Variants in ACSS3 observed in about 807,000 individuals in gnomAD.
The protein encoded by ACSS3 is acyl-CoA synthetase short chain family member 3, also known as acyl-CoA synthetase short-chain family member 3, mitochondrial.
In ACSS3, 64 loss-of-function variants were observed where a neutral mutation model predicts 84.2. The ratio of observed to expected loss-of-function variants is 0.76; its 90% CI spans 0.62 to 0.94. ACSS3 has a LOEUF of 0.94. Among genes scored for constraint, ACSS3 ranks in the 40% least tolerant of loss-of-function variants. The pLI is 0.00. For missense variants in ACSS3, 815 were observed against 867.6 expected (o/e 0.94, Z 0.76); for synonymous variants, 317 against 310.1 (o/e 1.02, Z -0.23).
At chr12:81,140,842 A>G (rs569002090) in intron 4 of ACSS3, among the ~76,000 whole-genome samples, 3 of 152,340 alleles carry the variant, frequency 2.0e-5, no homozygotes, top group South Asian at 4.1e-4. Flanking sequence ...CTTACAGTAT[A>G]TAAGTGCTGA....
chr12:81,226,765 T>G (rs893796772), intron 11 of ACSS3, among the ~76,000 whole-genome samples: 5 of 151,964 alleles, frequency 3.3e-5, no homozygotes, highest in African/African-American at 1.2e-4. Flanking sequence ...TTTTTCTCTT[T>G]TCTTCAACCC....
chr12:81,152,849 TA>T (rs1176868584), intron 7 of ACSS3, among the ~76,000 whole-genome samples: 1 of 152,036 alleles, frequency 6.6e-6, no homozygotes, highest in Non-Finnish European at 1.5e-5. Flanking sequence ...ATATTTAAAT[TA>T]AAAAATACAG....
At chr12:81,090,814 G>A (rs912114737) in intron 1 of ACSS3, among the ~76,000 whole-genome samples, 11 of 151,930 alleles carry the variant, frequency 7.2e-5, no homozygotes, top group African/African-American at 2.7e-4. Context: ...GGGAAGGTAG[G>A]GAAATACTTC....
intron 8 of ACSS3, among the ~76,000 whole-genome samples, chr12:81,182,947 T>C (rs1371443957): frequency 6.6e-6 from 1 of 152,164 alleles, no homozygotes; most frequent in Non-Finnish European, 1.5e-5. Flanking sequence ...CTTCAGGACA[T>C]GAATACTGAC....
chr12:81,190,386 G>A (rs2031503154), intron 8 of ACSS3, among the ~76,000 whole-genome samples: 3 of 151,906 alleles, frequency 2.0e-5, no homozygotes, highest in African/African-American at 7.2e-5. Context: ...TTTATGCTAT[G>A]GTCAATGGTA....
At chr12:81,148,385 G>T (rs1886444929) in intron 5 of ACSS3, among the ~76,000 whole-genome samples, 1 of 152,158 alleles carries the variant, frequency 6.6e-6, no homozygotes, top group South Asian at 2.1e-4. Flanking sequence ...TTCAAAAGTA[G>T]CTCAGTAAGC....
At chr12:81,144,007 TAG>T (rs1231767459) in intron 5 of ACSS3, among the ~76,000 whole-genome samples, 12 of 152,338 alleles carry the variant, frequency 7.9e-5, no homozygotes, top group African/African-American at 2.9e-4. Flanking sequence ...CATTGAATTG[TAG>T]AATTTTAGTA....
chr12:81,161,784 C>A (rs970131548), intron 7 of ACSS3, among the ~76,000 whole-genome samples: 3 of 152,070 alleles, frequency 2.0e-5, no homozygotes, highest in African/African-American at 7.2e-5. Flanking sequence ...CAAGCCAGGA[C>A]CAAAATGGCA....
rs776462619 is a variant in ACSS3 at position 81,231,145 on chromosome 12, A to C, written c.1596+7A>C. The stretch of plus-strand genomic sequence containing the variant: ...ATACTTTGAAAAATTTCCTGTAAGA[A>C]CTTTAATATGCTTTTTTATCTTCTT... On this transcript the variant is annotated splice_region_variant and intron_variant, in intron 12 of 15. Transcript: ENST00000548058. 7.6e-6 allele frequency: 12 copies of C among 1,588,632 alleles called. No individual in the cohort carries two copies. In the Admixed American group the frequency reaches 2.0e-4, roughly 27 times the overall value.
At chr12:81,079,378 G>T (rs1169204840) in intron 1 of ACSS3, among the ~76,000 whole-genome samples, 1 of 152,102 alleles carries the variant, frequency 6.6e-6, no homozygotes, top group East Asian at 1.9e-4. Flanking sequence ...CATTAGAGAG[G>T]ATGTTTCCTG....
At chr12:81,169,290 T>C (rs1375542906) in intron 7 of ACSS3, among the ~76,000 whole-genome samples, 1 of 152,172 alleles carries the variant, frequency 6.6e-6, no homozygotes, top group East Asian at 1.9e-4. Context: ...AAATTTTCAA[T>C]TATTAAAGGA....
intron 7 of ACSS3, among the ~76,000 whole-genome samples, chr12:81,158,974 A>G (rs1355944985): frequency 6.6e-6 from 1 of 152,214 alleles, no homozygotes; most frequent in Non-Finnish European, 1.5e-5. Flanking sequence ...TGCCTTAATG[A>G]CACATATTCA....
In ACSS3 at chr12:81,143,134, G is replaced by A; in HGVS notation, c.808G>A (p.Asp270Asn). The A allele has an allele frequency of 1.2e-6, 2 of 1,613,402 alleles. No homozygotes were observed. Among genetic ancestry groups the A allele is most frequent in the Non-Finnish European group, 1.7e-6 (2 of 1,179,512 alleles). ...MEAVPLAPGR[D>N]LDWDEEMAKA... ...GGCGGTTCCTTTGGCTCCCGGTCGT[G>A]ACCTTGATTGGGATGAAGAGATGGC... Residue 270 changes from aspartate (D) to asparagine (N), a missense_variant, in exon 5 of 16, where the codon GAC becomes AAC. Coordinates refer to ENST00000548058, the MANE Select transcript of ACSS3 (RefSeq NM_024560.4).
intron 13 of ACSS3, among the ~76,000 whole-genome samples, chr12:81,241,739 C>A (rs2033811105): frequency 6.6e-6 from 1 of 151,946 alleles, no homozygotes; most frequent in Non-Finnish European, 1.5e-5. Context: ...GATATTAGCC[C>A]TTTGTCAGAT....
intron 7 of ACSS3, among the ~76,000 whole-genome samples, chr12:81,154,115 T>C (rs1437740586): frequency 6.6e-6 from 1 of 152,218 alleles, no homozygotes; most frequent in African/African-American, 2.4e-5. Context: ...GTCTTTGCAA[T>C]ATAATGTTTT....
At chr12:81,195,142 A>G (rs1256543064) in intron 8 of ACSS3, among the ~76,000 whole-genome samples, 1 of 152,054 alleles carries the variant, frequency 6.6e-6, no homozygotes, top group Admixed American at 6.6e-5. Context: ...CTCTTTGCCT[A>G]CACTGCTGGG....
chr12:81,171,427 A>G (rs1358769458), intron 7 of ACSS3, among the ~76,000 whole-genome samples: 1 of 152,168 alleles, frequency 6.6e-6, no homozygotes, highest in Non-Finnish European at 1.5e-5. Flanking sequence ...AAACTAAAGT[A>G]TATAAATATT....
rs576599084 is a variant in ACSS3, at chr12:81,108,470, G to C, written c.312-1090G>C. ...TTTTTTGTATTTTTAGTAAAGACAG[G>C]GTTTCACCATCTTGGCCAGGTTGGT... On this transcript the variant is annotated intron_variant, in intron 1 of 15. Coordinates refer to ENST00000548058, the MANE Select transcript of ACSS3 (RefSeq NM_024560.4). Among the ~76,000 whole-genome samples the C allele has an allele frequency of 3.8e-4, 58 of 151,926 alleles. No homozygotes were observed. In the Middle Eastern group the frequency reaches 0.014, roughly 36 times the overall value.
chr12:81,172,228 T>C (rs1391513098), intron 7 of ACSS3, among the ~76,000 whole-genome samples: 1 of 120,278 alleles, frequency 8.3e-6, no homozygotes, highest in Non-Finnish European at 1.6e-5. Flanking sequence ...ATCCTGCCAC[T>C]GCACTCCAGC....
Sources: allele counts gnomAD v4.1 joint callset (sites outside exome capture counted in the v4.1 genomes callset), GRCh38; gene constraint gnomAD v4.1.1; transcripts MANE v1.5; gene names NCBI Gene and HGNC (gene_info 2026-07-23, HGNC 2026-07-21).